The following HDAC10 variants were observed in gnomAD, a reference collection of about 807,000 sequenced individuals.
HDAC10 encodes the protein polyamine deacetylase HDAC10.
In HDAC10, 90 loss-of-function variants were observed where a neutral mutation model predicts 82.3. That is an observed-to-expected ratio of 1.09 (90% CI 0.92 to 1.30). The LOEUF is 1.30. Among genes scored for constraint, HDAC10 ranks in the 50% most tolerant of loss-of-function variants. The probability of loss-of-function intolerance (pLI) is 0.00; values close to 1 mark genes in which losing one functional copy is unlikely to be tolerated. For synonymous variants in HDAC10, 456 were observed against 391.7 expected (o/e 1.16, Z -1.94); for missense variants, 934 against 876.3 (o/e 1.07, Z -0.83).
rs1170052062 is a variant in HDAC10, at chr22:50,250,771, C to T, written c.194G>A (p.Ser65Asn). The T allele has an allele frequency of 4.4e-6, 7 of 1,595,404 alleles. No homozygotes were observed. Among genetic ancestry groups the T allele is most frequent in the Non-Finnish European group, 5.1e-6 (6 of 1,172,140 alleles). Reference protein sequence around the residue: ...ASEEELGLVHSPEYVSLVRET... With the variant: ...ASEEELGLVHNPEYVSLVRET... ...TCGTGGGGCCTGCCCCCGTCCTGAC[C>T]TGTGCACCAGGCCCAGCTCCTCTTC... Residue 65 changes from serine to asparagine, a missense_variant and splice_region_variant, in exon 2 of 20, where the codon AGC (serine) becomes AAC (asparagine). Physicochemically the swap from Ser to Asn is conservative, Grantham distance 46. Transcript: ENST00000216271.
In HDAC10 at chr22:50,250,408, T is replaced by C; in HGVS notation, c.291+19A>G. ...GTGCATGTGTGTCTGCACAGGTGAG[T>C]GTGTCCGGGGACACGCACCGGGTGG... On this transcript the variant is annotated intron_variant, in intron 3 of 19. Transcript: ENST00000216271. 1 of 1,607,818 alleles carries C rather than the reference T, an allele frequency of 6.2e-7. No homozygotes were observed. The highest frequency in any genetic ancestry group is 8.5e-7 in the Non-Finnish European group (1 of 1,175,356).
chr22:50,247,110 TCTGTAA>T, intron 14 of HDAC10, 144 bp from the exon 15 acceptor site: 1 of 530,494 alleles, frequency 1.9e-6, no homozygotes, highest in Non-Finnish European at 3.3e-6. Context: ...TCACTCCATT[TCTGTAA>T]ATAAGATGCT....
intron 16 of HDAC10, 51 bp downstream of exon 16, chr22:50,246,628 C>T: frequency 1.3e-6 from 2 of 1,552,508 alleles, no homozygotes; most frequent in Non-Finnish European, 1.8e-6. Flanking sequence ...ACGTCCATCA[C>T]ATGCCCGTCC....
rs1230926911 is a variant in HDAC10 at position 50,245,718 on chromosome 22, A to C, written c.1943T>G (p.Met648Arg). The change falls in exon 19 of 20, where the codon ATG becomes AGG. Residue 648 changes from methionine to arginine, a missense_variant. Transcript: ENST00000216271. ...AGGCTCCAGCTGCCCTCTCAGGTAC[A>C]TCAGGGCCTGGACGTCCTCTGGGGA... The part of the protein sequence containing the change: ...VASPEDVQAL[M>R]YLRGQLEPQW... 6 of 1,613,116 alleles carry C rather than the reference A, an allele frequency of 3.7e-6. No individual in the cohort carries two copies. The African/African-American group carries it at 8.0e-5, about 22-fold the overall frequency.
In HDAC10 at chr22:50,249,212, G is replaced by A. The variant is rs778594135; in HGVS notation, c.691-44C>T. 46 of 1,398,670 alleles carry A rather than the reference G, an allele frequency of 3.3e-5. No individual in the cohort carries two copies. The highest frequency in any genetic ancestry group is 4.3e-5 in the Non-Finnish European group (44 of 1,024,370). 86.6% of individuals were successfully genotyped at this position (1,398,670 alleles called of 1,614,324 possible). On this transcript the variant is annotated intron_variant, in intron 7 of 19. Transcript: ENST00000216271. This position sits in a 1 kb window ranked among gnomAD's most constrained non-coding sequence, Gnocchi z 4.4. ...CTACATCCTGAACTGTGGGGCAGGG[G>A]AGGGGCCCGGGGGAGGGGGTGGGTG...
rs753492235 is a variant in HDAC10 at position 50,249,907 on chromosome 22, G to A, written c.447C>T (p.Asn149=). The A allele has an allele frequency of 7.4e-6, 12 of 1,612,792 alleles. No homozygotes were observed. In the African/African-American group the frequency reaches 1.1e-4, roughly 14 times the overall value. Residue 149 remains asparagine (N), a synonymous_variant, in exon 5 of 20, where the codon AAC becomes AAT. Coordinates refer to ENST00000216271, the MANE Select transcript of HDAC10 (RefSeq NM_032019.6). The surrounding 1 kb of genome is among the most constrained non-coding windows in gnomAD (Gnocchi z 4.4). The stretch of plus-strand genomic sequence containing the variant: ...TGGCATGTGCAGCTGCTATGGCCAC[G>A]TTGTTGAACACACAGAACCCGTTGG... ...AAANGFCVFN[N]VAIAAAHAKQ... is the part of the protein sequence containing the mutation.
chr22:50,246,725 C>A lies in HDAC10; in HGVS notation c.1525G>T (p.Val509Leu), dbSNP rs201412860. Residue 509 changes from valine to leucine, a missense_variant, in exon 16 of 20, where the codon GTG (valine) becomes TTG (leucine). Physicochemically the swap from Val to Leu is conservative, Grantham distance 32. Transcript: ENST00000216271. ...LSHGAQRLLCVALGQLDRPPD... is the reference protein window; with the variant it reads ...LSHGAQRLLCLALGQLDRPPD... ...GGCCGGTCCAGCTGTCCCAGGGCCACGCACAGCAGCCTGGAAGAAGAGCTG... is the reference window on the plus strand; with the variant it reads ...GGCCGGTCCAGCTGTCCCAGGGCCAAGCACAGCAGCCTGGAAGAAGAGCTG... 1.9e-5 allele frequency: 31 copies of A among 1,612,360 alleles called. No individual in the cohort carries two copies. Among genetic ancestry groups the A allele is most frequent in the Non-Finnish European group, 2.5e-5 (30 of 1,179,954 alleles).
chr22:50,249,767 G>T lies in HDAC10; in HGVS notation c.495-64C>A. On this transcript the variant is annotated intron_variant, in intron 5 of 19. Coordinates refer to ENST00000216271, the MANE Select transcript of HDAC10 (RefSeq NM_032019.6). This position sits in a 1 kb window ranked among gnomAD's most constrained non-coding sequence, Gnocchi z 4.4. ...TCCCACCTCCAGGAGCCCGGCCAGG[G>T]ATGGGAAGGTGCTGGCTGGGTTCTC... The T allele has an allele frequency of 1.2e-6, 2 of 1,607,756 alleles. No individual in the cohort carries two copies. Among genetic ancestry groups the T allele is most frequent in the South Asian group, 1.1e-5 (1 of 90,834 alleles).
rs1384625674 is a variant in HDAC10, at chr22:50,245,962, G to T, written c.1781C>A (p.Ala594Asp). 2 of 1,605,840 alleles carry T rather than the reference G, an allele frequency of 1.2e-6. No homozygotes were observed. The highest frequency in any genetic ancestry group is 2.2e-5 in the East Asian group (1 of 44,532). Residue 594 changes from alanine (A) to aspartate (D), a missense_variant, in exon 18 of 20, where the codon GCT (alanine) becomes GAT (aspartate). Physicochemically the swap from Ala to Asp is moderately radical, Grantham distance 126 (BLOSUM62 -2). Transcript: ENST00000216271. ...GLQGPHAALLAAMLRGLAGGR... is the reference protein window; with the variant it reads ...GLQGPHAALLDAMLRGLAGGR... ...CCCTGCCAGCCCCCGAAGCATTGCAGCCAGGAGTGCAGCGTGGGGGCCCTG... is the reference window on the plus strand; with the variant it reads ...CCCTGCCAGCCCCCGAAGCATTGCATCCAGGAGTGCAGCGTGGGGGCCCTG...
In HDAC10 at chr22:50,246,336, C is replaced by G. The variant is rs2064945156; in HGVS notation, c.1612G>C (p.Ala538Pro). The G allele has an allele frequency of 6.2e-7, 1 of 1,612,878 alleles. No homozygotes were observed. The highest frequency in any genetic ancestry group is 1.3e-5 in the African/African-American group (1 of 74,936). The change falls in exon 17 of 20, where the codon GCC becomes CCC. Residue 538 changes from alanine (A) to proline (P), a missense_variant. Ala to Pro is a conservative substitution (Grantham distance 27). Transcript: ENST00000216271. ...WLNIRGKEAA[A>P]LSMFHVSTPL... ...GTGGAGACATGGAACATGGATAGGG[C>G]AGCCGCCTCCTTGCCCCTGATGTTC...
At position 50,246,707 on chromosome 22, in the gene HDAC10, C is replaced by A; in HGVS notation, c.1543G>T (p.Asp515Tyr). The A allele has an allele frequency of 1.9e-6, 3 of 1,612,004 alleles. No individual in the cohort carries two copies. Among genetic ancestry groups the A allele is most frequent in the Non-Finnish European group, 2.5e-6 (3 of 1,179,936 alleles). ...RLLCVALGQL[D>Y]RPPDLAHDGR... ...TCATGGGCGAGGTCTGGAGGCCGGT[C>A]CAGCTGTCCCAGGGCCACGCACAGC... The change falls in exon 16 of 20, where the codon GAC (aspartate) becomes TAC (tyrosine). Residue 515 changes from aspartate (D) to tyrosine (Y), a missense_variant. Coordinates refer to ENST00000216271, the MANE Select transcript of HDAC10 (RefSeq NM_032019.6).
chr22:50,250,097 T>C lies in HDAC10; in HGVS notation c.355A>G (p.Thr119Ala). The change falls in exon 4 of 20, where the codon ACT becomes GCT. Residue 119 changes from threonine to alanine, a missense_variant. By Grantham distance (58) the Thr-to-Ala change is moderately conservative (BLOSUM62 0). Transcript: ENST00000216271. ...AGLQLVDAVLTGAVQNGLALV... is the reference protein window; with the variant it reads ...AGLQLVDAVLAGAVQNGLALV... ...GCAAGCCCATTTTGCACAGCTCCAG[T>C]GAGCACAGCGTCCACCAGCTGCAGT... The C allele has an allele frequency of 1.9e-6, 3 of 1,612,690 alleles. No homozygotes were observed. The highest frequency in any genetic ancestry group is 2.5e-6 in the Non-Finnish European group (3 of 1,179,916).
intron 15 of HDAC10, 37 bp from the exon 16 acceptor site, chr22:50,246,772 T>G (rs367815194): frequency 1.1e-4 from 173 of 1,610,486 alleles, no homozygotes; most frequent in Non-Finnish European, 1.4e-4. Context: ...GGTGTTCATG[T>G]TGTCCAGAGT....
chr22:50,248,395 G>A lies in HDAC10; in HGVS notation c.984C>T (p.Pro328=), dbSNP rs534652792. Residue 328 remains proline (P), a synonymous_variant, in exon 11 of 20, where the codon CCC becomes CCT. Coordinates refer to ENST00000216271, the MANE Select transcript of HDAC10 (RefSeq NM_032019.6). This position sits in a 1 kb window ranked among gnomAD's most constrained non-coding sequence, Gnocchi z 5.4. ...VQTLLGDPAP[P]LSGPMAPCQS... is the part of the protein sequence containing the mutation. ...GACATGGCGCCATTGGCCCTGACAG[G>A]GGTGGGGCCGGGTCACCCAGCAGCG... The A allele has an allele frequency of 6.2e-7, 1 of 1,609,444 alleles. No homozygotes were observed. The highest frequency in any genetic ancestry group is 1.7e-5 in the Admixed American group (1 of 59,986).
rs768944994 is a variant in HDAC10 at position 50,246,902 on chromosome 22, C to T, written c.1487G>A (p.Arg496Gln). The T allele has an allele frequency of 2.0e-5, 33 of 1,612,184 alleles. No homozygotes were observed. The highest frequency in any genetic ancestry group is 3.3e-4 in the Middle Eastern group (2 of 6,072). ...CTGGGCTCCGTGGGACAGGCCTCTC[C>T]GAACAGCCACATCCAGGGTGGCTGC... ...AAAATLDVAV[R>Q]RGLSHGAQRL... is the part of the protein sequence containing the mutation. Residue 496 changes from arginine (R) to glutamine (Q), a missense_variant, in exon 15 of 20, where the codon CGG becomes CAG. Transcript: ENST00000216271.
At chr22:50,246,239 A>G (rs548685921) in intron 17 of HDAC10, 59 bp downstream of exon 17, 2 of 1,537,052 alleles carry the variant, frequency 1.3e-6, no homozygotes, top group East Asian at 2.3e-5. Context: ...AGCAAACAGC[A>G]GCTGTACACA....
chr22:50,250,361 G>T, intron 3 of HDAC10, 66 bp downstream of exon 3: 1 of 1,486,434 alleles, frequency 6.7e-7, no homozygotes, highest in Non-Finnish European at 9.4e-7. Context: ...TGGCGGCCGT[G>T]GCTGTGAACG....
At chr22:50,250,745 AT>A in intron 2 of HDAC10, 25 bp downstream of exon 2, 1 of 1,546,932 alleles carries the variant, frequency 6.5e-7, no homozygotes, top group Admixed American at 2.0e-5. Context: ...CCCGCCCCCC[AT>A]CGTGGGGCCT....
Position 50,246,864 on chromosome 22 carries a change from G to T in HDAC10, c.1514+11C>A. The stretch of plus-strand genomic sequence containing the variant: ...GCCGTCAGAGGCTCAGGATGGCCAA[G>T]TGAGGCTTACCTCTGGGCTCCGTGG... On this transcript the variant is annotated intron_variant, in intron 15 of 19. Transcript: ENST00000216271. 6.2e-7 allele frequency: 1 copy of T among 1,608,328 alleles called. No homozygotes were observed. The highest frequency in any genetic ancestry group is 8.5e-7 in the Non-Finnish European group (1 of 1,175,978).
Sources: gnomAD v4.1 joint callset for allele counts on GRCh38, gnomAD v4.1.1 for gene constraint, Gnocchi (gnomAD v3.1) non-coding constraint, MANE v1.5 for transcripts, NCBI Gene and HGNC (gene_info 2026-07-23, HGNC 2026-07-21) for gene names.